Variants in ADARB2 observed in about 807,000 individuals in gnomAD.
ADARB2 encodes adenosine deaminase RNA specific B2 (inactive), also known as inactive double-stranded RNA-specific editase B2.
ADARB2 carries 25 observed loss-of-function variants against 62.2 expected under a neutral mutation model. The observed-to-expected ratio is 0.40, with a 90% CI of 0.29 to 0.56. The LOEUF is 0.56. ADARB2 is among the 20% of genes least tolerant of loss of function. The pLI, the probability that ADARB2 is intolerant of heterozygous loss-of-function variation, is 0.43. For synonymous variants in ADARB2, 572 were observed against 500.8 expected (o/e 1.14, Z -1.90); for missense variants, 1,071 against 1,077.4 (o/e 0.99, Z 0.08).
At chr10:1,323,782 C>G (rs1396753937) in intron 3 of ADARB2, among the ~76,000 whole-genome samples, 3 of 151,688 alleles carry the variant, frequency 2.0e-5, no homozygotes, top group African/African-American at 7.3e-5. Context: ...AGACCACAGA[C>G]GTAAACTATA....
chr10:1,212,342 C>T (rs748613147), intron 7 of ADARB2, among the ~76,000 whole-genome samples: 2 of 152,240 alleles, frequency 1.3e-5, no homozygotes, highest in East Asian at 1.9e-4. Context: ...TGCTCAGAAA[C>T]GGCAAGTGCG....
At chr10:1,264,217 T>C (rs544391541) in intron 4 of ADARB2, among the ~76,000 whole-genome samples, 1 of 152,342 alleles carries the variant, frequency 6.6e-6, no homozygotes, top group African/African-American at 2.4e-5. Context: ...GGTTTCTGTT[T>C]AGGGATTTTT....
In ADARB2 at chr10:1,580,199, C is replaced by T. The variant is rs190815094; in HGVS notation, c.100+156852G>A. 1.6e-4 allele frequency among the ~76,000 whole-genome samples: 24 copies of T among 152,242 alleles called. No homozygotes were observed. The East Asian group carries it at 4.2e-3, about 27-fold the overall frequency. ...CGTGTTGCCAGGGTACATTGGTGTACAGATTATTTCACCACCCAGCTCATA... is the reference window on the plus strand; with the variant it reads ...CGTGTTGCCAGGGTACATTGGTGTATAGATTATTTCACCACCCAGCTCATA... On this transcript the variant is annotated intron_variant, in intron 1 of 9. Coordinates refer to ENST00000381312, the MANE Select transcript of ADARB2 (RefSeq NM_018702.4).
chr10:1,233,427 A>G (rs1290395715), intron 6 of ADARB2, among the ~76,000 whole-genome samples: 1 of 152,016 alleles, frequency 6.6e-6, no homozygotes, highest in East Asian at 1.9e-4. Flanking sequence ...GGACACAGGG[A>G]TTGTCTGAGT....
At chr10:1,262,319 T>TAATAATAATAATAAA (rs1208834714) in intron 4 of ADARB2, among the ~76,000 whole-genome samples, 3 of 138,570 alleles carry the variant, frequency 2.2e-5, no homozygotes, top group South Asian at 4.3e-4. Flanking sequence ...ATAATAATAA[T>TAATAATAATAATAAA]AAAAGAAACC....
intron 1 of ADARB2, among the ~76,000 whole-genome samples, chr10:1,540,337 G>A (rs192938846): frequency 1.0e-4 from 14 of 139,370 alleles, no homozygotes; most frequent in Non-Finnish European, 1.8e-4. Flanking sequence ...CCGAGGGCAC[G>A]TCAGGCAACA....
At position 1,322,058 on chromosome 10, in the gene ADARB2, A is replaced by G. The variant is rs1363235248; in HGVS notation, c.1077+40970T>C. ...CCCTCCTCTGACCACCCAGCCCTGG[A>G]CTCAGGAGACACCAGTTGGTACCTG... is the stretch of plus-strand genomic sequence containing the variant. On this transcript the variant is annotated intron_variant, in intron 3 of 9. Coordinates refer to ENST00000381312, the MANE Select transcript of ADARB2 (RefSeq NM_018702.4). Among the ~76,000 whole-genome samples the G allele has an allele frequency of 1.3e-3, 191 of 152,198 alleles. 2 individuals carry two copies. The highest frequency in any genetic ancestry group is 4.4e-3 in the African/African-American group (182 of 41,526).
At chr10:1,613,305 T>C (rs1588323715) in intron 1 of ADARB2, among the ~76,000 whole-genome samples, 1 of 152,152 alleles carries the variant, frequency 6.6e-6, no homozygotes, top group African/African-American at 2.4e-5. Flanking sequence ...TCAAACCCAT[T>C]CCATGAAAAG....
intron 1 of ADARB2, among the ~76,000 whole-genome samples, chr10:1,506,081 T>A (rs1304169090): frequency 6.6e-6 from 1 of 151,712 alleles, no homozygotes; most frequent in Non-Finnish European, 1.5e-5. Flanking sequence ...AAACAGTGCA[T>A]GTGACTGTGT....
At chr10:1,435,449 G>A (rs1343015037) in intron 1 of ADARB2, among the ~76,000 whole-genome samples, 1 of 152,142 alleles carries the variant, frequency 6.6e-6, no homozygotes, top group African/African-American at 2.4e-5. Context: ...TGAGGGCAGA[G>A]CCTTTGCTGC....
chr10:1,371,268 C>T (rs1832369295), intron 2 of ADARB2, among the ~76,000 whole-genome samples: 1 of 152,204 alleles, frequency 6.6e-6, no homozygotes, highest in African/African-American at 2.4e-5. Flanking sequence ...GGACCCCTAT[C>T]TCTCACCATA....
At chr10:1,439,562 T>C (rs61055215) in intron 1 of ADARB2, among the ~76,000 whole-genome samples, 6 of 90,522 alleles carry the variant, frequency 6.6e-5, no homozygotes, top group East Asian at 3.4e-4. Flanking sequence ...TGGAGGCAGG[T>C]CCTTCACTAT....
chr10:1,200,950 G>T (rs375113061), intron 7 of ADARB2, among the ~76,000 whole-genome samples: 1 of 152,008 alleles, frequency 6.6e-6, no homozygotes, highest in East Asian at 1.9e-4. Flanking sequence ...TGCCATCCCC[G>T]CATGCAGCGT....
chr10:1,534,879 G>A (rs1417350750), intron 1 of ADARB2: 1 of 163,072 alleles, frequency 6.1e-6, no homozygotes, highest in Non-Finnish European at 1.5e-5. Flanking sequence ...CTGGCCCCAC[G>A]CCTCAGCAGA....
chr10:1,418,139 A>T (rs1293651939), intron 1 of ADARB2, among the ~76,000 whole-genome samples: 1 of 152,174 alleles, frequency 6.6e-6, no homozygotes, highest in Non-Finnish European at 1.5e-5. Flanking sequence ...CGTAAACCAA[A>T]GGGAGTCGCC....
chr10:1,536,117 C>T (rs182143898), intron 1 of ADARB2, among the ~76,000 whole-genome samples: 442 of 152,216 alleles, frequency 2.9e-3, no homozygotes, highest in Middle Eastern at 0.01. Context: ...AACCCTGTGT[C>T]GTGCCCCTGA....
At chr10:1,199,228 C>T (rs946146190) in intron 8 of ADARB2, among the ~76,000 whole-genome samples, 10 of 151,898 alleles carry the variant, frequency 6.6e-5, no homozygotes, top group African/African-American at 1.7e-4. Context: ...CCCCGCTTCC[C>T]GCTGTTCCTG....
At chr10:1,731,256 T>C (rs1835228720) in intron 1 of ADARB2, among the ~76,000 whole-genome samples, 1 of 152,230 alleles carries the variant, frequency 6.6e-6, no homozygotes, top group African/African-American at 2.4e-5. Flanking sequence ...GCTAGGGCGT[T>C]GCTTAAACAA....
At chr10:1,553,220 C>T (rs903136693) in intron 1 of ADARB2, among the ~76,000 whole-genome samples, 5 of 152,222 alleles carry the variant, frequency 3.3e-5, no homozygotes, top group African/African-American at 9.6e-5. Flanking sequence ...ACAATATATG[C>T]GGTGATTTCT....
Sources: allele counts gnomAD v4.1 joint callset (sites outside exome capture counted in the v4.1 genomes callset), GRCh38; gene constraint gnomAD v4.1.1; transcripts MANE v1.5; gene names NCBI Gene and HGNC (gene_info 2026-07-23, HGNC 2026-07-21).